ZNF362: variants seen among roughly 807,000 people sequenced by gnomAD.
ZNF362 encodes zinc finger protein 362.
In ZNF362, 11 loss-of-function variants were observed where a neutral mutation model predicts 42.9. The ratio of observed to expected loss-of-function variants is 0.26; its 90% CI spans 0.16 to 0.42. The LOEUF (loss-of-function observed/expected upper bound fraction) is 0.42. Among genes scored for constraint, ZNF362 ranks in the 20% least tolerant of loss-of-function variants. The pLI is 1.00. For missense variants in ZNF362, 362 were observed against 576.2 expected, an observed-to-expected ratio of 0.63 and a Z score of 3.81; for synonymous variants, 255 against 257.3, an observed-to-expected ratio of 0.99 and a Z score of 0.09.
At chr1:33,136,479 A>G in the ZNF362 span, among the ~76,000 whole-genome samples, 1 of 151,358 alleles carries the variant, frequency 6.6e-6, no homozygotes, top group South Asian at 2.1e-4. Context: ...AGCAATTCTC[A>G]TGCCTCAGCC....
chr1:33,238,661 A>G, the ZNF362 span, among the ~76,000 whole-genome samples: 1 of 152,186 alleles, frequency 6.6e-6, no homozygotes, highest in African/African-American at 2.4e-5. Flanking sequence ...CTAACCCCCA[A>G]TGTGACTGGA....
At chr1:33,256,767 C>T (rs1166323108) in intron 1 of ZNF362, 113 bp downstream of exon 1, 1 of 145,974 alleles carries the variant, frequency 6.9e-6, no homozygotes, top group African/African-American at 2.5e-5. Context: ...CGGGCGCTGT[C>T]AGCGCGGGCC....
chr1:33,291,766 C>G (rs1295724053), intron 6 of ZNF362, among the ~76,000 whole-genome samples: 1 of 152,142 alleles, frequency 6.6e-6, no homozygotes, highest in Non-Finnish European at 1.5e-5. Context: ...GTTTGTAGTT[C>G]TCCTTGAAGA....
the ZNF362 span, among the ~76,000 whole-genome samples, chr1:33,177,102 T>C: frequency 6.6e-6 from 1 of 150,404 alleles, no homozygotes; most frequent in Non-Finnish European, 1.5e-5. This position sits in a 1 kb window ranked among gnomAD's most constrained non-coding sequence, Gnocchi z 4.1. Context: ...TGCACACACA[T>C]GCACACACAC....
At position 33,298,953 on chromosome 1, in the gene ZNF362, G is replaced by A. The variant is rs756540685; in HGVS notation, c.1170G>A (p.Met390Ile). 4 of 1,613,984 alleles carry A rather than the reference G, an allele frequency of 2.5e-6. No homozygotes were observed. In the East Asian group the frequency reaches 8.9e-5, roughly 36 times the overall value. The part of the protein sequence containing the change: ...YTSETYLMKH[M>I]SKHTVVEHLV... ...AGGAGACCTACCTGATGAAGCACAT[G>A]TCCAAACACACGGTGGTGGAGCACC... Residue 390 changes from methionine (M) to isoleucine (I), a missense_variant, in exon 9 of 9, where the codon ATG (methionine) becomes ATA (isoleucine). Transcript: ENST00000539719.
At chr1:33,262,794 G>A (rs186461240) in intron 1 of ZNF362, among the ~76,000 whole-genome samples, 273 of 152,288 alleles carry the variant, frequency 1.8e-3, no homozygotes, top group Middle Eastern at 6.8e-3. Context: ...CCAATGTGGA[G>A]CACTCCTCTG....
upstream of ZNF362, among the ~76,000 whole-genome samples, chr1:33,256,317 C>CG (rs1645789696): frequency 7.0e-6 from 1 of 143,740 alleles, no homozygotes; most frequent in Admixed American, 6.8e-5. Context: ...TGCCCACTCG[C>CG]GGGAGCCCCC....
At chr1:33,158,648 G>T in the ZNF362 span, among the ~76,000 whole-genome samples, 3 of 152,136 alleles carry the variant, frequency 2.0e-5, no homozygotes, top group African/African-American at 7.2e-5. Context: ...CACAGTGCTC[G>T]GTCACGGTCA....
the ZNF362 span, among the ~76,000 whole-genome samples, chr1:33,206,664 GA>G: frequency 6.6e-6 from 1 of 152,046 alleles, no homozygotes; most frequent in Non-Finnish European, 1.5e-5. Context: ...ACAGACTGGG[GA>G]AAAATATTTG....
the ZNF362 span, among the ~76,000 whole-genome samples, chr1:33,198,449 T>C: frequency 6.6e-6 from 1 of 152,188 alleles, no homozygotes; most frequent in African/African-American, 2.4e-5. Flanking sequence ...GCAGATTGTT[T>C]GAGCTCAGGA....
chr1:33,143,676 T>C, the ZNF362 span, among the ~76,000 whole-genome samples: 1 of 152,216 alleles, frequency 6.6e-6, no homozygotes, highest in Admixed American at 6.5e-5. Flanking sequence ...ACCTGTGGCC[T>C]GCAGCCTAAC....
chr1:33,143,849 C>T, the ZNF362 span, among the ~76,000 whole-genome samples: 2 of 152,242 alleles, frequency 1.3e-5, no homozygotes, highest in Admixed American at 1.3e-4. Flanking sequence ...GAAGAAGCTA[C>T]TTCCCTCATT....
chr1:33,132,632 G>T, the ZNF362 span, among the ~76,000 whole-genome samples: 1 of 152,126 alleles, frequency 6.6e-6, no homozygotes, highest in Non-Finnish European at 1.5e-5. Context: ...ACAGACCCCT[G>T]TATCCCATAC....
the ZNF362 span, among the ~76,000 whole-genome samples, chr1:33,237,328 A>C: frequency 6.6e-6 from 1 of 152,148 alleles, no homozygotes; most frequent in Admixed American, 6.5e-5. Flanking sequence ...GTTGTTGTTA[A>C]GAGCAGACTG....
chr1:33,296,486 A>G (rs1397942207), intron 8 of ZNF362, among the ~76,000 whole-genome samples: 1 of 152,116 alleles, frequency 6.6e-6, no homozygotes, highest in East Asian at 2.0e-4. Flanking sequence ...GGGGGGCAAA[A>G]TCACCTCAAT....
chr1:33,276,262 C>T lies in ZNF362; in HGVS notation c.103-86C>T, dbSNP rs945370008. On this transcript the variant is annotated intron_variant, in intron 3 of 8. Coordinates refer to ENST00000539719, the MANE Select transcript of ZNF362 (RefSeq NM_152493.3). ...GGCCTGCGGGGAGCGGGGTGAGGAG[C>T]GAGGGGCTCGCGGGTGGACCAGCGG... 1.8e-5 allele frequency: 28 copies of T among 1,572,482 alleles called. No individual in the cohort carries two copies. In the East Asian group the frequency reaches 2.7e-4, roughly 15 times the overall value.
At chr1:33,143,904 T>C in the ZNF362 span, among the ~76,000 whole-genome samples, 3 of 152,246 alleles carry the variant, frequency 2.0e-5, no homozygotes, top group South Asian at 4.1e-4. Flanking sequence ...TCTGTGACCA[T>C]GTGCGGCTCT....
the ZNF362 span, among the ~76,000 whole-genome samples, chr1:33,173,553 A>G: frequency 6.6e-6 from 1 of 152,024 alleles, no homozygotes; most frequent in African/African-American, 2.4e-5. Context: ...TCTAGCCACA[A>G]CGAACCACCT....
At chr1:33,202,295 A>C in the ZNF362 span, among the ~76,000 whole-genome samples, 24 of 152,346 alleles carry the variant, frequency 1.6e-4, no homozygotes, top group East Asian at 4.6e-3. Context: ...TTAACAATAT[A>C]TAAAGAAGAC....
Sources: gnomAD v4.1 joint callset for allele counts (sites outside exome capture counted in the v4.1 genomes callset) on GRCh38, gnomAD v4.1.1 for gene constraint, Gnocchi (gnomAD v3.1) non-coding constraint, MANE v1.5 for transcripts, NCBI Gene and HGNC (gene_info 2026-07-23, HGNC 2026-07-21) for gene names.